The following NEGR1 variants were observed in gnomAD, a reference collection of about 807,000 sequenced individuals.
The protein encoded by NEGR1 is neuronal growth regulator 1, also known as IgLON family member 4.
Under a neutral mutation model 40.9 loss-of-function variants are expected in NEGR1, and 10 were observed. The ratio of observed to expected loss-of-function variants is 0.24; its 90% CI spans 0.15 to 0.42. NEGR1 has a LOEUF of 0.42. Ranked by LOEUF, NEGR1 falls within the 10% of genes least tolerant of loss-of-function variation. The pLI is 1.00. For synonymous variants in NEGR1, 185 were observed against 166.8 expected, an observed-to-expected ratio of 1.11 and a Z score of -0.84; for missense variants, 352 against 438.9, an observed-to-expected ratio of 0.80 and a Z score of 1.77.
At chr1:71,743,649 A>T (rs1376370978) in intron 3 of NEGR1, among the ~76,000 whole-genome samples, 1 of 152,108 alleles carries the variant, frequency 6.6e-6, no homozygotes, top group Non-Finnish European at 1.5e-5. Flanking sequence ...GGGCCCTAAT[A>T]ACCTTCAGCA....
intron 1 of NEGR1, among the ~76,000 whole-genome samples, chr1:72,133,325 T>C (rs1650327729): frequency 6.6e-6 from 1 of 152,122 alleles, no homozygotes; most frequent in Non-Finnish European, 1.5e-5. Context: ...CAGAATATAT[T>C]TTTAACACAC....
At chr1:72,122,007 T>C (rs1649823935) in intron 1 of NEGR1, among the ~76,000 whole-genome samples, 5 of 151,914 alleles carry the variant, frequency 3.3e-5, no homozygotes, top group Admixed American at 3.3e-4. Context: ...CCAAACTAAA[T>C]ACCGATTGTT....
chr1:71,482,462 T>C (rs530556800), intron 6 of NEGR1, among the ~76,000 whole-genome samples: 1 of 151,792 alleles, frequency 6.6e-6, no homozygotes, highest in Non-Finnish European at 1.5e-5. Flanking sequence ...GATTAAAAAA[T>C]ATACATACAC....
At chr1:72,238,582 T>C (rs1395810243) in intron 1 of NEGR1, among the ~76,000 whole-genome samples, 3 of 151,856 alleles carry the variant, frequency 2.0e-5, no homozygotes, top group Non-Finnish European at 2.9e-5. Flanking sequence ...GACTCAGAAA[T>C]GTGAGTACCA....
intron 1 of NEGR1, among the ~76,000 whole-genome samples, chr1:72,043,891 T>G (rs1646977893): frequency 6.6e-6 from 1 of 151,846 alleles, no homozygotes; most frequent in Non-Finnish European, 1.5e-5. Flanking sequence ...GGACTGCTAT[T>G]TAACAATATC....
intron 6 of NEGR1, among the ~76,000 whole-genome samples, chr1:71,517,579 A>G (rs1158443604): frequency 6.9e-6 from 1 of 145,968 alleles, no homozygotes; most frequent in Non-Finnish European, 1.5e-5. Flanking sequence ...ATGTATTTCA[A>G]AATAATAAGA....
chr1:71,513,956 G>A lies in NEGR1; in HGVS notation c.940+78861C>T, dbSNP rs950621145. Among the ~76,000 whole-genome samples, 3 of 138,670 alleles carry A rather than the reference G, an allele frequency of 2.2e-5. No homozygotes were observed. In the Admixed American group the frequency reaches 2.2e-4, roughly 10 times the overall value. 91.0% of individuals were successfully genotyped at this position (138,670 alleles called of 152,430 possible). On this transcript the variant is annotated intron_variant, in intron 6 of 6. Coordinates refer to ENST00000357731, the MANE Select transcript of NEGR1 (RefSeq NM_173808.3). ...AGTTCCCTTTCCGAGTCAAAGAAAG[G>A]GGTGACGGACGCACCTGGAAAATCG...
At chr1:72,153,737 T>A (rs1357305085) in intron 1 of NEGR1, among the ~76,000 whole-genome samples, 5 of 151,796 alleles carry the variant, frequency 3.3e-5, no homozygotes, top group African/African-American at 1.2e-4. Context: ...AGAACCTGGA[T>A]GAATAATAGC....
At chr1:72,209,883 A>G (rs1224237631) in intron 1 of NEGR1, among the ~76,000 whole-genome samples, 3 of 151,904 alleles carry the variant, frequency 2.0e-5, no homozygotes, top group African/African-American at 7.2e-5. Flanking sequence ...AATAGTAATT[A>G]TAGCTATAAA....
chr1:71,896,928 C>G (rs1012042435), intron 2 of NEGR1, among the ~76,000 whole-genome samples: 1 of 152,062 alleles, frequency 6.6e-6, no homozygotes, highest in Non-Finnish European at 1.5e-5. Context: ...AAAAATGAAG[C>G]TTGGAGAGGC....
intron 1 of NEGR1, among the ~76,000 whole-genome samples, chr1:71,942,013 T>C (rs921870770): frequency 6.6e-6 from 1 of 151,694 alleles, no homozygotes; most frequent in East Asian, 1.9e-4. Context: ...GTAATATCAA[T>C]AAAACATGTA....
intron 5 of NEGR1, among the ~76,000 whole-genome samples, chr1:71,606,509 G>C (rs917160692): frequency 6.6e-6 from 1 of 152,132 alleles, no homozygotes; most frequent in African/African-American, 2.4e-5. Context: ...CTAAGTTTTG[G>C]GTTAATTTGT....
chr1:71,639,206 GAAA>G (rs111324697), intron 4 of NEGR1, among the ~76,000 whole-genome samples: 2 of 116,436 alleles, frequency 1.7e-5, no homozygotes, highest in Non-Finnish European at 1.9e-5. Context: ...GATGTTCAGG[GAAA>G]AAAAAAAAAA....
chr1:72,024,643 G>C (rs1203361664), intron 1 of NEGR1, among the ~76,000 whole-genome samples: 1 of 152,080 alleles, frequency 6.6e-6, no homozygotes, highest in Non-Finnish European at 1.5e-5. Flanking sequence ...TTTTCCTCAG[G>C]TTGTTATGAA....
rs1201348488 is a variant in NEGR1 at position 71,402,166 on chromosome 1, A to T, written c.*5280T>A. 6.6e-6 allele frequency: 1 copy of T among 152,148 alleles called. No individual in the cohort carries two copies. Among genetic ancestry groups the T allele is most frequent in the Non-Finnish European group, 1.5e-5 (1 of 68,026 alleles). The allele number at this position is 152,148 out of a possible 1,614,324, so 9.4% of individuals were successfully genotyped here. A position where few individuals can be genotyped will look rare whatever the true frequency, so the allele number is the denominator to read the frequency against. On this transcript the variant is annotated 3_prime_UTR_variant, in exon 7 of 7. Transcript: ENST00000357731. The stretch of plus-strand genomic sequence containing the variant: ...TTGGCTCAGATCTGCCACTTAGTTG[A>T]AGTATAATCTTCAGCAAGTGACTCA...
At chr1:71,874,111 A>C (rs1557684494) in intron 2 of NEGR1, among the ~76,000 whole-genome samples, 1 of 152,188 alleles carries the variant, frequency 6.6e-6, no homozygotes, top group Non-Finnish European at 1.5e-5. Context: ...ATGCTGAACT[A>C]TTCTTCTGCA....
intron 1 of NEGR1, among the ~76,000 whole-genome samples, chr1:72,115,576 G>C (rs1465891703): frequency 2.0e-5 from 3 of 151,666 alleles, no homozygotes; most frequent in Non-Finnish European, 3.0e-5. Context: ...ACAGACATGA[G>C]TACTTTGAGC....
chr1:71,674,974 G>GT (rs1652568392), intron 4 of NEGR1, among the ~76,000 whole-genome samples: 1 of 150,906 alleles, frequency 6.6e-6, no homozygotes, highest in South Asian at 2.1e-4. Context: ...CCTAACACTT[G>GT]TAACATTCCA....
chr1:72,254,478 G>A (rs568597569), intron 1 of NEGR1, among the ~76,000 whole-genome samples: 13 of 152,068 alleles, frequency 8.5e-5, no homozygotes, highest in African/African-American at 2.9e-4. Flanking sequence ...CGAGGCGGGC[G>A]GATCACGAGG....
Sources: allele counts gnomAD v4.1 joint callset (sites outside exome capture counted in the v4.1 genomes callset), GRCh38; gene constraint gnomAD v4.1.1; transcripts MANE v1.5; gene names NCBI Gene and HGNC (gene_info 2026-07-23, HGNC 2026-07-21).